Variants in TMEM35A observed in about 807,000 individuals in gnomAD.
The protein encoded by TMEM35A is transmembrane protein 35A, also known as nicotinic acetylcholine receptor chaperone.
For missense variants in TMEM35A, 83 were observed against 132.7 expected (o/e 0.63, Z 1.84); for synonymous variants, 50 against 54.7 (o/e 0.91, Z 0.38).
rs2089338027 is a variant in TMEM35A at position 101,095,591 on chromosome X, C to G, written c.*635C>G. 9.1e-6 allele frequency: 1 copy of G among 109,767 alleles called. No individual in the cohort carries two copies. The highest frequency in any genetic ancestry group is 3.3e-5 in the African/African-American group (1 of 30,197). 9.0% of individuals were successfully genotyped at this position (109,767 alleles called of 1,213,427 possible). A position where few individuals can be genotyped will look rare whatever the true frequency, so the allele number is the denominator to read the frequency against. On this transcript the variant is annotated 3_prime_UTR_variant, in exon 2 of 2. Coordinates refer to ENST00000372930, the MANE Select transcript of TMEM35A (RefSeq NM_021637.3). ...AGTTATATATGAAATTAATTAGGCT[C>G]TAGTCCAACAGTTGTTTACATTTTA...
intron 1 of TMEM35A, chrX:101,081,846 T>C (rs932893456): frequency 9.0e-6 from 1 of 111,644 alleles, no homozygotes; most frequent in Non-Finnish European, 1.9e-5. Flanking sequence ...GCAGAACAAG[T>C]TTAATGACAT....
chrX:101,085,657 A>G lies in TMEM35A; in HGVS notation c.120+6535A>G, dbSNP rs1160822867. Among the ~76,000 whole-genome samples, 4 of 109,137 alleles carry G rather than the reference A, an allele frequency of 3.7e-5. No homozygotes were observed. In the East Asian group the frequency reaches 1.2e-3, roughly 32 times the overall value. 94.8% of individuals were successfully genotyped at this position (109,137 alleles called of 115,157 possible). A position where few individuals can be genotyped will look rare whatever the true frequency, so the allele number is the denominator to read the frequency against. ...TTAAAAGGCTCCATAGGCCAGGCGC[A>G]TTGGCTCACACCTGTAATCCCAGCA... On this transcript the variant is annotated intron_variant, in intron 1 of 1. Coordinates refer to ENST00000372930, the MANE Select transcript of TMEM35A (RefSeq NM_021637.3).
At chrX:101,080,462 G>C (rs1157104321) in intron 1 of TMEM35A, among the ~76,000 whole-genome samples, 5 of 111,643 alleles carry the variant, frequency 4.5e-5, no homozygotes, top group Admixed American at 9.6e-5. Flanking sequence ...AGGGTGACAA[G>C]GGCTTAGGTC....
chrX:101,092,070 T>G (rs768613218), intron 1 of TMEM35A, among the ~76,000 whole-genome samples: 22 of 111,316 alleles, frequency 2.0e-4, no homozygotes, highest in Non-Finnish European at 3.9e-4. Context: ...CCTTATAAAC[T>G]TCAAGCTTCA....
At position 101,079,070 on chromosome X, in the gene TMEM35A, T is replaced by C. The variant is rs750332127; in HGVS notation, c.68T>C (p.Met23Thr). The change falls in exon 1 of 2, where the codon ATG becomes ACG. Residue 23 changes from methionine (M) to threonine (T), a missense_variant. Coordinates refer to ENST00000372930, the MANE Select transcript of TMEM35A (RefSeq NM_021637.3). The part of the protein sequence containing the change: ...SVALGLFFVF[M>T]GTIKLTPRLS... ...GCCCTGGGACTCTTCTTTGTTTTCA[T>C]GGGGACTATCAAGCTGACCCCCAGG... 8.3e-7 allele frequency: 1 copy of C among 1,211,466 alleles called. No homozygotes were observed. Among genetic ancestry groups the C allele is most frequent in the Non-Finnish European group, 1.1e-6 (1 of 895,361 alleles).
chrX:101,092,861 A>G (rs1390711369), intron 1 of TMEM35A, among the ~76,000 whole-genome samples: 1 of 111,211 alleles, frequency 9.0e-6, no homozygotes. Flanking sequence ...ACTCCGTCTC[A>G]AAAGAATAAA....
intron 1 of TMEM35A, among the ~76,000 whole-genome samples, chrX:101,087,416 A>G (rs1290881562): frequency 2.7e-5 from 3 of 112,182 alleles, no homozygotes; most frequent in African/African-American, 6.5e-5. Flanking sequence ...CTCAGTTTTC[A>G]ATGAAAGATT....
intron 1 of TMEM35A, among the ~76,000 whole-genome samples, chrX:101,088,042 A>T (rs760607981): frequency 9.4e-6 from 1 of 106,233 alleles, no homozygotes; most frequent in South Asian, 4.2e-4. Flanking sequence ...AAATAAAAAT[A>T]CAAAAATTAG....
chrX:101,080,948 G>C (rs56224327), intron 1 of TMEM35A, among the ~76,000 whole-genome samples: 133 of 110,404 alleles, frequency 1.2e-3, no homozygotes, highest in African/African-American at 4.3e-3. Context: ...TGGAGTCACC[G>C]GGAAGCTTCC....
At chrX:101,092,792 C>T (rs993829491) in intron 1 of TMEM35A, among the ~76,000 whole-genome samples, 16 of 110,421 alleles carry the variant, frequency 1.4e-4, no homozygotes, top group Admixed American at 3.9e-4. Context: ...ACCTGGGAGG[C>T]GGAGGTTGCA....
At chrX:101,080,026 T>C (rs181022407) in intron 1 of TMEM35A, among the ~76,000 whole-genome samples, 20 of 111,660 alleles carry the variant, frequency 1.8e-4, no homozygotes, top group African/African-American at 5.8e-4. Context: ...GCAGGGAATG[T>C]TTCCAGCACT....
intron 1 of TMEM35A, among the ~76,000 whole-genome samples, chrX:101,092,856 G>A (rs757543174): frequency 2.7e-5 from 3 of 110,654 alleles, no homozygotes; most frequent in Non-Finnish European, 3.8e-5. Flanking sequence ...GTGAGACTCC[G>A]TCTCAAAAGA....
chrX:101,090,415 G>T (rs915458689), intron 1 of TMEM35A, among the ~76,000 whole-genome samples: 2 of 105,091 alleles, frequency 1.9e-5, no homozygotes, highest in Admixed American at 1.0e-4. Flanking sequence ...TGATCTGCCC[G>T]CCTCGGCCTC....
chrX:101,085,957 T>A (rs1378202107), intron 1 of TMEM35A, among the ~76,000 whole-genome samples: 1 of 110,739 alleles, frequency 9.0e-6, no homozygotes, highest in Non-Finnish European at 1.9e-5. Flanking sequence ...TAAAAATAAA[T>A]AAAATTTAAA....
Position 101,095,759 on chromosome X carries a change from C to G in TMEM35A, c.*803C>G, listed in dbSNP as rs1247838760. 8.9e-6 allele frequency: 1 copy of G among 111,841 alleles called. No individual in the cohort carries two copies. The highest frequency in any genetic ancestry group is 3.2e-5 in the African/African-American group (1 of 30,773). 9.2% of individuals were successfully genotyped at this position (111,841 alleles called of 1,213,427 possible). Reference sequence around the variant, plus strand: ...AAAACCCTTTACTCACAGTTTGAAACTGAAGCAGTAAACTTGTTTCCAGAC... The same window carrying G: ...AAAACCCTTTACTCACAGTTTGAAAGTGAAGCAGTAAACTTGTTTCCAGAC... On this transcript the variant is annotated 3_prime_UTR_variant, in exon 2 of 2. Transcript: ENST00000372930.
At chrX:101,085,269 G>A (rs1332299343) in intron 1 of TMEM35A, among the ~76,000 whole-genome samples, 2 of 111,453 alleles carry the variant, frequency 1.8e-5, no homozygotes, top group African/African-American at 6.5e-5. Flanking sequence ...GCTGTGTGGT[G>A]AAGAATAAAT....
chrX:101,090,263 G>A (rs971086855), intron 1 of TMEM35A, among the ~76,000 whole-genome samples: 6 of 105,319 alleles, frequency 5.7e-5, no homozygotes, highest in African/African-American at 2.1e-4. Context: ...AGTGATTCTC[G>A]TGCCTCAGCC....
At chrX:101,086,659 A>G (rs1362834708) in intron 1 of TMEM35A, among the ~76,000 whole-genome samples, 4 of 112,099 alleles carry the variant, frequency 3.6e-5, no homozygotes, top group African/African-American at 1.3e-4. Flanking sequence ...CTTTGATTGC[A>G]GGGGTTTGAG....
At chrX:101,082,133 C>CTTTTTTTTTTTT in intron 1 of TMEM35A, among the ~76,000 whole-genome samples, 7 of 20,463 alleles carry the variant, frequency 3.4e-4, no homozygotes, top group Admixed American at 6.7e-4. Flanking sequence ...TTCTTTCTTT[C>CTTTTTTTTTTTT]TTTTTTTTTT....
Sources: gnomAD v4.1 joint callset for allele counts (sites outside exome capture counted in the v4.1 genomes callset) on GRCh38, gnomAD v4.1.1 for gene constraint, MANE v1.5 for transcripts, NCBI Gene and HGNC (gene_info 2026-07-23, HGNC 2026-07-21) for gene names.